SNX29: variants seen among roughly 807,000 people sequenced by gnomAD.
SNX29 encodes the protein sorting nexin 29.
Under a neutral mutation model 102.1 loss-of-function variants are expected in SNX29, and 78 were observed. The ratio of observed to expected loss-of-function variants is 0.76; its 90% confidence interval spans 0.64 to 0.92. The LOEUF (loss-of-function observed/expected upper bound fraction) is 0.92, where lower values mean the gene tolerates loss of function less well. Among genes scored for constraint, SNX29 ranks in the 40% least tolerant of loss-of-function variants. The probability of loss-of-function intolerance (pLI) is 0.00; values close to 1 mark genes in which losing one functional copy is unlikely to be tolerated. For missense variants in SNX29, 1,280 were observed against 1,061.7 expected (o/e 1.21, Z -2.86); for synonymous variants, 580 against 414.5 (o/e 1.40, Z -4.85).
At chr16:12,165,713 G>A (rs1467566432) in intron 13 of SNX29, among the ~76,000 whole-genome samples, 3 of 152,188 alleles carry the variant, frequency 2.0e-5, no homozygotes, top group African/African-American at 7.2e-5. Context: ...GGCGCACGCC[G>A]CCACCATGCC....
At position 12,205,373 on chromosome 16, in the gene SNX29, A is replaced by G. The variant is rs755211683; in HGVS notation, c.1678+5690A>G. 5.9e-5 allele frequency among the ~76,000 whole-genome samples: 9 copies of G among 152,092 alleles called. No homozygotes were observed. In the South Asian group the frequency reaches 1.7e-3, roughly 28 times the overall value. ...GTGGAATAAACATGGAACCTCATAA[A>G]TCCCGTCACTCTGCTGTTTACCGTT... is the stretch of plus-strand genomic sequence containing the variant. On this transcript the variant is annotated intron_variant, in intron 14 of 20. Coordinates refer to ENST00000566228, the MANE Select transcript of SNX29 (RefSeq NM_032167.5).
At chr16:12,491,180 T>C (rs918147243) in intron 19 of SNX29, among the ~76,000 whole-genome samples, 31 of 152,350 alleles carry the variant, frequency 2.0e-4, no homozygotes, top group African/African-American at 6.7e-4. Context: ...TTGATGAACA[T>C]TTAGGTCGTT....
chr16:12,474,458 T>G (rs528610363), intron 18 of SNX29, among the ~76,000 whole-genome samples: 3 of 152,040 alleles, frequency 2.0e-5, no homozygotes, highest in Non-Finnish European at 4.4e-5. Context: ...GCATGTGTGT[T>G]CCGGGGAGAG....
chr16:12,550,106 T>G (rs1274417921), intron 20 of SNX29, among the ~76,000 whole-genome samples: 1 of 152,256 alleles, frequency 6.6e-6, no homozygotes, highest in Non-Finnish European at 1.5e-5. Flanking sequence ...GCTAGAATAC[T>G]GAGGCTGATG....
chr16:12,004,539 G>A (rs1269451795), intron 3 of SNX29, among the ~76,000 whole-genome samples: 1 of 152,068 alleles, frequency 6.6e-6, no homozygotes, highest in African/African-American at 2.4e-5. Flanking sequence ...GTAGCCCCTG[G>A]GGTGGCAGGA....
chr16:12,289,082 T>TA (rs1426855563), intron 15 of SNX29, among the ~76,000 whole-genome samples: 2 of 152,300 alleles, frequency 1.3e-5, no homozygotes, highest in East Asian at 3.9e-4. Flanking sequence ...ATGGAAGAGA[T>TA]AAGGAGGGAG....
chr16:12,302,463 G>A (rs903992839), intron 15 of SNX29, among the ~76,000 whole-genome samples: 1 of 152,218 alleles, frequency 6.6e-6, no homozygotes, highest in Non-Finnish European at 1.5e-5. Context: ...TCACAGTTCT[G>A]AAGGCCAAGG....
At chr16:12,221,598 A>G (rs1488458337) in intron 14 of SNX29, among the ~76,000 whole-genome samples, 1 of 152,230 alleles carries the variant, frequency 6.6e-6, no homozygotes, top group Non-Finnish European at 1.5e-5. Context: ...TGGGCAACAG[A>G]GCAAGACTGT....
chr16:12,494,644 C>T (rs887640547), intron 19 of SNX29, among the ~76,000 whole-genome samples: 2 of 152,186 alleles, frequency 1.3e-5, no homozygotes, highest in Non-Finnish European at 2.9e-5. Flanking sequence ...TTAACCACCC[C>T]CTTGGAACTT....
intron 18 of SNX29, among the ~76,000 whole-genome samples, chr16:12,454,146 A>G (rs529544774): frequency 6.6e-6 from 1 of 152,302 alleles, no homozygotes; most frequent in East Asian, 1.9e-4. Context: ...TCTGCGTGGT[A>G]CATGCCTTGC....
chr16:12,368,888 C>G (rs900113629), intron 16 of SNX29, among the ~76,000 whole-genome samples: 20 of 152,190 alleles, frequency 1.3e-4, no homozygotes, highest in African/African-American at 4.3e-4. Context: ...TTGAAATGGC[C>G]TCTCTGTTCT....
chr16:12,404,896 T>G (rs1317180848), intron 18 of SNX29, among the ~76,000 whole-genome samples: 7 of 152,220 alleles, frequency 4.6e-5, no homozygotes, highest in Non-Finnish European at 1.0e-4. Context: ...ATGCACATCT[T>G]ACTGGAAATC....
chr16:12,358,226 G>A (rs971016054), intron 16 of SNX29, among the ~76,000 whole-genome samples: 1 of 152,102 alleles, frequency 6.6e-6, no homozygotes, highest in Non-Finnish European at 1.5e-5. Context: ...TCCTGCTGAC[G>A]CTTTTACATC....
chr16:11,996,061 GAA>G (rs774382847), intron 1 of SNX29, among the ~76,000 whole-genome samples: 5 of 129,978 alleles, frequency 3.8e-5, no homozygotes, highest in Admixed American at 7.8e-5. Flanking sequence ...CTCCGTCTCA[GAA>G]AAAAAAAAAA....
chr16:12,022,565 G>A (rs1274178545), intron 3 of SNX29, among the ~76,000 whole-genome samples: 2 of 152,094 alleles, frequency 1.3e-5, no homozygotes, highest in Non-Finnish European at 2.9e-5. Context: ...CAGTTTTAGA[G>A]CATTTCCATT....
At chr16:12,382,311 G>A (rs987143685) in intron 16 of SNX29, among the ~76,000 whole-genome samples, 6 of 152,208 alleles carry the variant, frequency 3.9e-5, no homozygotes, top group African/African-American at 9.6e-5. Flanking sequence ...GAGTCATGGT[G>A]TGAACCTTGC....
At chr16:12,397,237 C>T (rs900397270) in intron 16 of SNX29, among the ~76,000 whole-genome samples, 2 of 152,184 alleles carry the variant, frequency 1.3e-5, no homozygotes, top group Non-Finnish European at 2.9e-5. Flanking sequence ...TCCTAACCTT[C>T]AAGTTTCTTC....
chr16:12,021,936 G>C (rs975314302), intron 3 of SNX29, among the ~76,000 whole-genome samples: 18 of 151,628 alleles, frequency 1.2e-4, no homozygotes, highest in African/African-American at 4.4e-4. Context: ...ACAAATGCTT[G>C]CTGAATCTTC....
intron 18 of SNX29, among the ~76,000 whole-genome samples, chr16:12,443,798 G>C (rs575749915): frequency 2.4e-4 from 37 of 152,364 alleles, no homozygotes; most frequent in Non-Finnish European, 4.4e-4. Context: ...TGGCTGTCAT[G>C]TGTGACTTTG....
Sources: gnomAD v4.1 joint callset for allele counts (sites outside exome capture counted in the v4.1 genomes callset) on GRCh38, gnomAD v4.1.1 for gene constraint, MANE v1.5 for transcripts, NCBI Gene and HGNC (gene_info 2026-07-23, HGNC 2026-07-21) for gene names.